Variants in GALK2 observed in about 807,000 individuals in gnomAD.
GALK2 encodes galactokinase 2.
A neutral mutation model predicts 52.4 loss-of-function variants in GALK2; 36 were observed. That is an observed-to-expected ratio of 0.69 (90% CI 0.53 to 0.91). GALK2 has a LOEUF of 0.91. Among genes scored for constraint, GALK2 ranks in the 40% least tolerant of loss-of-function variants. The pLI, the probability that GALK2 is intolerant of heterozygous loss-of-function variation, is 0.00. For synonymous variants in GALK2, 176 were observed against 199.1 expected (o/e 0.88, Z 0.98); for missense variants, 579 against 559.1 (o/e 1.04, Z -0.36).
chr15:49,268,189 A>C (rs528563790), intron 5 of GALK2, among the ~76,000 whole-genome samples: 28 of 152,322 alleles, frequency 1.8e-4, no homozygotes, highest in African/African-American at 5.8e-4. Context: ...GCTTAGACTA[A>C]TGGAGGAAGA....
Position 49,331,859 on chromosome 15 carries a change from G to GAAT in GALK2, c.*3703_*3705dup. The GAAT allele has an allele frequency of 6.3e-7, 1 of 1,578,856 alleles. No individual in the cohort carries two copies. Among genetic ancestry groups the GAAT allele is most frequent in the Non-Finnish European group, 8.7e-7 (1 of 1,148,348 alleles). On this transcript the variant is annotated 3_prime_UTR_variant, in exon 10 of 10. Transcript: ENST00000560031. ...AGCCTTTGCTTGGAGTCTAATCATG[G>GAAT]AATAAAGAAAATCAGTAACCAAACT...
chr15:49,358,777 C>T (rs1567144863), intron 3 of GALK2, among the ~76,000 whole-genome samples: 1 of 152,098 alleles, frequency 6.6e-6, no homozygotes, highest in African/African-American at 2.4e-5. Context: ...CCTGCATCGC[C>T]AAGTCAAACT....
intron 3 of GALK2, among the ~76,000 whole-genome samples, chr15:49,226,900 C>G (rs1302847958): frequency 6.6e-6 from 1 of 152,154 alleles, no homozygotes; most frequent in African/African-American, 2.4e-5. Flanking sequence ...ACAAGTTCCT[C>G]TTTTTATTAC....
intron 3 of GALK2, among the ~76,000 whole-genome samples, chr15:49,357,193 A>G (rs2043301436): frequency 6.7e-6 from 1 of 149,896 alleles, no homozygotes; most frequent in Non-Finnish European, 1.5e-5. Context: ...GCAAGAGCAA[A>G]CACATTCAAA....
intron 5 of GALK2, among the ~76,000 whole-genome samples, chr15:49,278,578 A>G (rs1361180976): frequency 6.6e-6 from 1 of 152,212 alleles, no homozygotes; most frequent in African/African-American, 2.4e-5. Flanking sequence ...AGTTTCTTGG[A>G]TCATTACAAT....
At chr15:49,168,850 C>T (rs538413753), upstream of GALK2, among the ~76,000 whole-genome samples, 1 of 151,750 alleles carries the variant, frequency 6.6e-6, no homozygotes, top group African/African-American at 2.4e-5. Flanking sequence ...TCCTGTTACT[C>T]AAAATTAAAC....
chr15:49,351,340 GGAAGATACGGAAA>G (rs1221396715), intron 3 of GALK2, among the ~76,000 whole-genome samples: 17 of 152,286 alleles, frequency 1.1e-4, no homozygotes, highest in African/African-American at 3.8e-4. Context: ...AGTCTTTCCT[GGAAGATACGGAAA>G]GAAGATACGG....
At position 49,328,918 on chromosome 15, in the gene GALK2, T is replaced by G; in HGVS notation, c.*759T>G. 8.2e-7 allele frequency: 1 copy of G among 1,216,182 alleles called. No homozygotes were observed. The highest frequency in any genetic ancestry group is 1.5e-5 in the African/African-American group (1 of 65,634). The allele number at this position is 1,216,182 out of a possible 1,614,324, so 75.3% of individuals were successfully genotyped here. ...CCATTACTTAATAGAAAAACTTAGATAAAAAACACTTTAAGACTCTTCTAT... is the reference window on the plus strand; with the variant it reads ...CCATTACTTAATAGAAAAACTTAGAGAAAAAACACTTTAAGACTCTTCTAT... On this transcript the variant is annotated 3_prime_UTR_variant, in exon 10 of 10. Coordinates refer to ENST00000560031, the MANE Select transcript of GALK2 (RefSeq NM_002044.4).
chr15:49,268,179 G>C (rs775537721), intron 5 of GALK2, among the ~76,000 whole-genome samples: 1 of 152,164 alleles, frequency 6.6e-6, no homozygotes, highest in Admixed American at 6.5e-5. Flanking sequence ...CCCTCATGGA[G>C]CTTAGACTAA....
intron 3 of GALK2, chr15:49,366,029 TAA>T: frequency 2.5e-6 from 2 of 805,700 alleles, no homozygotes; most frequent in Non-Finnish European, 4.5e-6. Flanking sequence ...GTAAGAGGAC[TAA>T]AAGTTAGATA....
intron 2 of GALK2, among the ~76,000 whole-genome samples, chr15:49,202,453 A>G (rs529387684): frequency 2.0e-5 from 3 of 152,300 alleles, no homozygotes; most frequent in South Asian, 4.1e-4. Flanking sequence ...AACATGAGGT[A>G]TGTATCTTTC....
At chr15:49,162,399 TTTAAG>T (rs1361781794) in intron 1 of GALK2, among the ~76,000 whole-genome samples, 2 of 152,214 alleles carry the variant, frequency 1.3e-5, no homozygotes, top group Non-Finnish European at 2.9e-5. Flanking sequence ...TGATAGATAT[TTTAAG>T]TTTTTTTCAG....
At chr15:49,261,121 G>A (rs1377053412) in intron 5 of GALK2, among the ~76,000 whole-genome samples, 9 of 150,264 alleles carry the variant, frequency 6.0e-5, no homozygotes, top group East Asian at 1.9e-4. Flanking sequence ...TTGGTAGCTT[G>A]ATGGGGATGG....
intron 2 of GALK2, among the ~76,000 whole-genome samples, chr15:49,209,603 G>T (rs2088637049): frequency 6.6e-6 from 1 of 152,096 alleles, no homozygotes; most frequent in African/African-American, 2.4e-5. Flanking sequence ...TATGGGTTTT[G>T]TCCTTCATTC....
intron 3 of GALK2, among the ~76,000 whole-genome samples, chr15:49,230,124 C>T (rs569483359): frequency 6.6e-6 from 1 of 152,252 alleles, no homozygotes; most frequent in South Asian, 2.1e-4. Context: ...GATGTGGAGA[C>T]AGGAGCTGTT....
At chr15:49,310,657 A>G (rs559068019) in intron 8 of GALK2, among the ~76,000 whole-genome samples, 2 of 152,126 alleles carry the variant, frequency 1.3e-5, no homozygotes, top group Admixed American at 6.5e-5. Flanking sequence ...GCATTTTTTC[A>G]TATTCCTGTT....
chr15:49,198,635 AT>A (rs1313552323), intron 1 of GALK2, among the ~76,000 whole-genome samples: 1 of 151,948 alleles, frequency 6.6e-6, no homozygotes, highest in Non-Finnish European at 1.5e-5. Flanking sequence ...TTTTTTTGGT[AT>A]CTTTTAACTT....
At chr15:49,325,000 T>G (rs2037223784) in intron 9 of GALK2, among the ~76,000 whole-genome samples, 2 of 152,222 alleles carry the variant, frequency 1.3e-5, no homozygotes, top group Non-Finnish European at 2.9e-5. Flanking sequence ...TTACCTTCCC[T>G]CTTTTTCAAG....
chr15:49,356,428 G>A (rs1477941112), intron 3 of GALK2, among the ~76,000 whole-genome samples: 1 of 150,906 alleles, frequency 6.6e-6, no homozygotes, highest in African/African-American at 2.4e-5. Context: ...GGCAGGGGTT[G>A]CAATCCCAGT....
Sources: allele counts gnomAD v4.1 joint callset (sites outside exome capture counted in the v4.1 genomes callset), GRCh38; gene constraint gnomAD v4.1.1; transcripts MANE v1.5; gene names NCBI Gene and HGNC (gene_info 2026-07-23, HGNC 2026-07-21).